Variants in SLC4A4 observed in about 807,000 individuals in gnomAD.
SLC4A4 encodes electrogenic sodium bicarbonate cotransporter 1.
Under a neutral mutation model 111.5 loss-of-function variants are expected in SLC4A4, and 27 were observed. That is an observed-to-expected ratio of 0.24 (90% CI 0.18 to 0.33). The LOEUF is 0.33. Ranked by LOEUF, SLC4A4 falls within the 10% of genes least tolerant of loss-of-function variation. The pLI is 1.00. For synonymous variants in SLC4A4, 443 were observed against 463.4 expected, an observed-to-expected ratio of 0.96 and a Z score of 0.57; for missense variants, 909 against 1,315.5, an observed-to-expected ratio of 0.69 and a Z score of 4.78.
chr4:71,170,553 A>G (rs1269155105), intron 2 of SLC4A4, among the ~76,000 whole-genome samples: 1 of 152,220 alleles, frequency 6.6e-6, no homozygotes, highest in Non-Finnish European at 1.5e-5. Flanking sequence ...CTATAATTGA[A>G]CTTGTAAACA....
chr4:71,487,419 T>G (rs1379501826), intron 15 of SLC4A4, among the ~76,000 whole-genome samples: 3 of 151,674 alleles, frequency 2.0e-5, no homozygotes, highest in Non-Finnish European at 4.4e-5. Flanking sequence ...TGCTGTGTTC[T>G]CTTCACTAAG....
rs76075113 is a variant in SLC4A4 at position 71,528,771 on chromosome 4, A to G, written c.2167-3291A>G. ...TAATACTATGGAGTCAACAACGTAT[A>G]ATATTATGGAAAATATCAAATGAAA... On this transcript the variant is annotated intron_variant, in intron 16 of 25. Transcript: ENST00000264485. 2.0e-3 allele frequency among the ~76,000 whole-genome samples: 299 copies of G among 152,178 alleles called. 1 individual carries two copies. Among genetic ancestry groups the G allele is most frequent in the Non-Finnish European group, 3.6e-3 (248 of 67,972 alleles).
At position 71,475,242 on chromosome 4, in the gene SLC4A4, A is replaced by G. The variant is rs139535876; in HGVS notation, c.1903+2272A>G. On this transcript the variant is annotated intron_variant, in intron 14 of 25. Transcript: ENST00000264485. ...ACCTGTCACACAGAAAAAAACATCT[A>G]ATGTCAACCCCATACCTACCTGAGG... Among the ~76,000 whole-genome samples the G allele has an allele frequency of 6.5e-4, 98 of 151,912 alleles. 1 individual carries two copies. In the East Asian group the frequency reaches 0.012, roughly 18 times the overall value.
chr4:71,454,785 T>TA (rs1197697584), intron 12 of SLC4A4, among the ~76,000 whole-genome samples: 1 of 152,170 alleles, frequency 6.6e-6, no homozygotes, highest in Non-Finnish European at 1.5e-5. Flanking sequence ...CCCCAAAACT[T>TA]AGAGGCTTGA....
At chr4:71,248,497 G>C (rs987985340) in intron 2 of SLC4A4, among the ~76,000 whole-genome samples, 2 of 151,600 alleles carry the variant, frequency 1.3e-5, no homozygotes, top group South Asian at 4.2e-4. Context: ...GAAAGATTTT[G>C]CTAGAGCAAA....
chr4:71,226,206 C>T (rs1026270), intron 1 of SLC4A4, among the ~76,000 whole-genome samples: 1,792 of 152,248 alleles, frequency 0.012, 44 homozygotes, highest in African/African-American at 0.04. Flanking sequence ...TTCACAGGCA[C>T]GATTGTAACG....
At chr4:71,225,671 T>C (rs1459863810) in intron 1 of SLC4A4, among the ~76,000 whole-genome samples, 1 of 152,148 alleles carries the variant, frequency 6.6e-6, no homozygotes, top group African/African-American at 2.4e-5. Flanking sequence ...TTCTCCAATG[T>C]CAGCTGTGTG....
intron 20 of SLC4A4, among the ~76,000 whole-genome samples, chr4:71,552,104 T>G (rs1266856646): frequency 6.6e-6 from 1 of 152,038 alleles, no homozygotes; most frequent in Non-Finnish European, 1.5e-5. Context: ...CAGGTCTTCA[T>G]GATAATTATG....
Position 71,085,781 on chromosome 4 carries a change from A to G in SLC4A4, c.-64-6949A>G, listed in dbSNP as rs191289461. ...TTGGTCTATATCTGTTTTGGTACCA[A>G]TACCATGCTGTTTTGGTTACTGTAG... On this transcript the variant is annotated intron_variant, in intron 1 of 26. Coordinates refer to the SLC4A4 transcript ENST00000649996. 4.5e-3 allele frequency among the ~76,000 whole-genome samples: 690 copies of G among 152,084 alleles called. 11 individuals carry two copies. The highest frequency in any genetic ancestry group is 0.016 in the African/African-American group (653 of 41,424).
chr4:71,334,433 A>G (rs765538686), intron 3 of SLC4A4, among the ~76,000 whole-genome samples: 7 of 152,030 alleles, frequency 4.6e-5, no homozygotes, highest in African/African-American at 7.2e-5. Flanking sequence ...CTCCTCAAGC[A>G]GAAGGAAGGA....
At chr4:71,339,643 A>C in intron 4 of SLC4A4, 138 bp downstream of exon 4, 3 of 764,266 alleles carry the variant, frequency 3.9e-6, no homozygotes, top group Middle Eastern at 3.7e-4. Flanking sequence ...ATAAGGAGTA[A>C]ATAATTCTAT....
intron 3 of SLC4A4, among the ~76,000 whole-genome samples, chr4:71,330,736 G>A (rs1318946756): frequency 6.6e-6 from 1 of 152,108 alleles, no homozygotes; most frequent in Non-Finnish European, 1.5e-5. Context: ...TGACAAATGG[G>A]ATGTAATTAA....
intron 7 of SLC4A4, among the ~76,000 whole-genome samples, chr4:71,418,726 A>G (rs1414736926): frequency 6.6e-6 from 1 of 152,242 alleles, no homozygotes; most frequent in Non-Finnish European, 1.5e-5. Context: ...AAAGAGTCCT[A>G]TCCCATAAAT....
chr4:71,418,183 G>A (rs1721988123), intron 7 of SLC4A4, among the ~76,000 whole-genome samples: 2 of 152,242 alleles, frequency 1.3e-5, no homozygotes, highest in South Asian at 4.1e-4. Context: ...CTAATGGATT[G>A]TACTTAATGT....
intron 7 of SLC4A4, among the ~76,000 whole-genome samples, chr4:71,418,233 G>A (rs1423906053): frequency 1.3e-5 from 2 of 152,080 alleles, no homozygotes; most frequent in Non-Finnish European, 2.9e-5. Flanking sequence ...GTGCTGCTTT[G>A]CAGAATCATT....
In SLC4A4 at chr4:71,268,473, G is replaced by T. The variant is rs759786530; in HGVS notation, c.253+13074G>T. On this transcript the variant is annotated intron_variant, in intron 3 of 25. Transcript: ENST00000264485. ...ACCAGAGCATGGAAGTGTTTATGGCGATTTATACTTTGGTTTTGGTTTGTT... is the reference window on the plus strand; with the variant it reads ...ACCAGAGCATGGAAGTGTTTATGGCTATTTATACTTTGGTTTTGGTTTGTT... Among the ~76,000 whole-genome samples the T allele has an allele frequency of 1.8e-4, 27 of 152,118 alleles. 1 individual carries two copies. Among genetic ancestry groups the T allele is most frequent in the Admixed American group, 9.2e-4 (14 of 15,276 alleles).
chr4:71,091,787 A>C (rs1412621080), intron 1 of SLC4A4, among the ~76,000 whole-genome samples: 1 of 152,158 alleles, frequency 6.6e-6, no homozygotes, highest in Non-Finnish European at 1.5e-5. Context: ...TTTTGTACTC[A>C]TTTTGCAAAA....
chr4:71,223,235 G>C, intron 1 of SLC4A4, among the ~76,000 whole-genome samples: 1 of 151,574 alleles, frequency 6.6e-6, no homozygotes, highest in South Asian at 2.1e-4. Flanking sequence ...GAGTGCAGTG[G>C]CGCGATCTCA....
chr4:71,479,142 G>A (rs1728638479), intron 14 of SLC4A4, among the ~76,000 whole-genome samples: 1 of 151,752 alleles, frequency 6.6e-6, no homozygotes, highest in Non-Finnish European at 1.5e-5. Flanking sequence ...TTGATTTATT[G>A]TTGACTGTTC....
Sources: gnomAD v4.1 joint callset for allele counts (sites outside exome capture counted in the v4.1 genomes callset) on GRCh38, gnomAD v4.1.1 for gene constraint, MANE v1.5 for transcripts, NCBI Gene and HGNC (gene_info 2026-07-23, HGNC 2026-07-21) for gene names.